AK5: variants seen among roughly 807,000 people sequenced by gnomAD.
The protein encoded by AK5 is adenylate kinase 5, also known as adenylate kinase isoenzyme 5.
Under a neutral mutation model 69.5 loss-of-function variants are expected in AK5, and 27 were observed. The ratio of observed to expected loss-of-function variants is 0.39; its 90% confidence interval spans 0.29 to 0.54. The LOEUF (loss-of-function observed/expected upper bound fraction) is 0.54. Among genes scored for constraint, AK5 ranks in the 20% least tolerant of loss-of-function variants. The pLI, the probability that AK5 is intolerant of heterozygous loss-of-function variation, is 0.71. For missense variants in AK5, 531 were observed against 700.4 expected (o/e 0.76, Z 2.73); for synonymous variants, 260 against 244.4 (o/e 1.06, Z -0.60).
At chr1:77,412,634 A>C (rs1442776076) in intron 7 of AK5, among the ~76,000 whole-genome samples, 1 of 152,166 alleles carries the variant, frequency 6.6e-6, no homozygotes, top group African/African-American at 2.4e-5. Flanking sequence ...CTCCTGGCTT[A>C]TAAATGTTGA....
At chr1:77,297,420 C>A in intron 3 of AK5, 139 bp from the exon 4 acceptor site, 1 of 682,500 alleles carries the variant, frequency 1.5e-6, no homozygotes, top group Non-Finnish European at 2.4e-6. Context: ...AAAGGCAGCA[C>A]TGAGAATGCC....
chr1:77,546,531 G>A (rs1457151845), intron 13 of AK5, among the ~76,000 whole-genome samples: 1 of 152,182 alleles, frequency 6.6e-6, no homozygotes, highest in Non-Finnish European at 1.5e-5. Flanking sequence ...CCAACATGGT[G>A]AAACTCCATC....
intron 8 of AK5, among the ~76,000 whole-genome samples, chr1:77,476,958 A>T (rs35254623): frequency 6.6e-6 from 1 of 150,564 alleles, no homozygotes; most frequent in Non-Finnish European, 1.5e-5. Context: ...ATTTTCAGGT[A>T]AAAAGATGAG....
chr1:77,380,611 G>A (rs1378057426), intron 6 of AK5, among the ~76,000 whole-genome samples: 2 of 152,222 alleles, frequency 1.3e-5, no homozygotes, highest in Non-Finnish European at 2.9e-5. Flanking sequence ...ACCAGGCACT[G>A]TGCTAAATAA....
At chr1:77,550,664 G>C (rs1358141630) in intron 13 of AK5, among the ~76,000 whole-genome samples, 1 of 152,322 alleles carries the variant, frequency 6.6e-6, no homozygotes, top group East Asian at 1.9e-4. Context: ...TAGTAAATTG[G>C]TTCTTTTCCA....
intron 2 of AK5, among the ~76,000 whole-genome samples, chr1:77,287,536 C>A (rs1658427833): frequency 6.6e-6 from 1 of 152,162 alleles, no homozygotes; most frequent in African/African-American, 2.4e-5. Flanking sequence ...ACTAATATTT[C>A]CAAGTTCAGA....
chr1:77,367,780 A>T (rs796523691), intron 6 of AK5, among the ~76,000 whole-genome samples: 4 of 5,028 alleles, frequency 8.0e-4, no homozygotes, highest in Admixed American at 5.7e-3. Flanking sequence ...GTTATATATA[A>T]TATATGTTAT....
chr1:77,379,078 A>G (rs1647443639), intron 6 of AK5, among the ~76,000 whole-genome samples: 1 of 152,194 alleles, frequency 6.6e-6, no homozygotes, highest in Admixed American at 6.5e-5. Flanking sequence ...TTGTGGCCAG[A>G]ACCTGTCATG....
intron 6 of AK5, among the ~76,000 whole-genome samples, chr1:77,405,648 G>C (rs1649569253): frequency 6.6e-6 from 1 of 152,208 alleles, no homozygotes; most frequent in African/African-American, 2.4e-5. Flanking sequence ...TGGCTTCCCA[G>C]TGGCTGCTCA....
chr1:77,382,630 A>G (rs1444971058), intron 6 of AK5, among the ~76,000 whole-genome samples: 1 of 152,228 alleles, frequency 6.6e-6, no homozygotes, highest in Non-Finnish European at 1.5e-5. Context: ...TATTACAGGC[A>G]TAAGCCAGTG....
At position 77,533,509 on chromosome 1, in the gene AK5, CAAAAAAAAAAA is replaced by C. The variant is rs10526328; in HGVS notation, c.1429-2322_1429-2312del. The stretch of plus-strand genomic sequence containing the variant: ...AGGCTGCAGAGCAAGACTCTGTCAC[CAAAAAAAAAAA>C]AAAAAAAAAAAAAAACAGATTCTGC... On this transcript the variant is annotated intron_variant, in intron 12 of 13. Coordinates refer to ENST00000354567, the MANE Select transcript of AK5 (RefSeq NM_174858.3). 7.2e-3 allele frequency among the ~76,000 whole-genome samples: 685 copies of C among 94,934 alleles called. 7 individuals carry two copies. The highest frequency in any genetic ancestry group is 0.033 in the African/African-American group (657 of 20,088). The allele number at this position is 94,934 out of a possible 152,430, so 62.3% of individuals were successfully genotyped here.
intron 13 of AK5, among the ~76,000 whole-genome samples, chr1:77,545,173 A>G (rs561593370): frequency 5.7e-4 from 86 of 152,092 alleles, no homozygotes; most frequent in Non-Finnish European, 8.7e-4. Flanking sequence ...CAAGTAACCA[A>G]TGTGAACAGC....
At chr1:77,396,613 G>T (rs921037231) in intron 6 of AK5, among the ~76,000 whole-genome samples, 1 of 152,160 alleles carries the variant, frequency 6.6e-6, no homozygotes. Flanking sequence ...TTGTTTAAAC[G>T]GCTCTGAATT....
intron 8 of AK5, among the ~76,000 whole-genome samples, chr1:77,461,780 A>G (rs992991011): frequency 1.3e-5 from 2 of 152,118 alleles, no homozygotes; most frequent in African/African-American, 4.8e-5. Context: ...AAAAAAAAAA[A>G]AAAAGAAAGA....
chr1:77,447,291 T>A lies in AK5; in HGVS notation c.1059+29576T>A, dbSNP rs1652810337. Among the ~76,000 whole-genome samples the A allele has an allele frequency of 5.3e-5, 8 of 152,230 alleles. No individual in the cohort carries two copies. The South Asian group carries it at 1.7e-3, about 31-fold the overall frequency. ...ACTAAAAAGTCAGAAATGTCCTTCA[T>A]AGCTTCAGTATAAATATTAAACAGT... is the stretch of plus-strand genomic sequence containing the variant. On this transcript the variant is annotated intron_variant, in intron 8 of 13. Transcript: ENST00000354567.
chr1:77,284,716 G>A (rs1658251983), intron 1 of AK5, among the ~76,000 whole-genome samples: 1 of 152,158 alleles, frequency 6.6e-6, no homozygotes, highest in Admixed American at 6.5e-5. Flanking sequence ...ATTATTCAAG[G>A]TCTCAAAGGG....
chr1:77,298,347 C>T (rs1659128341), intron 5 of AK5, among the ~76,000 whole-genome samples: 1 of 152,032 alleles, frequency 6.6e-6, no homozygotes, highest in African/African-American at 2.4e-5. Context: ...TTGTGAAATA[C>T]TGAACCACCT....
intron 5 of AK5, among the ~76,000 whole-genome samples, chr1:77,320,585 C>G (rs1461683228): frequency 6.6e-6 from 1 of 151,978 alleles, no homozygotes; most frequent in Non-Finnish European, 1.5e-5. Flanking sequence ...CCCATCTCTA[C>G]TAAAAATACA....
intron 8 of AK5, among the ~76,000 whole-genome samples, chr1:77,472,352 A>G (rs550380828): frequency 1.3e-4 from 20 of 152,260 alleles, no homozygotes; most frequent in Admixed American, 4.6e-4. Flanking sequence ...CATCTCACAC[A>G]ACCACTTGTA....
Sources: gnomAD v4.1 joint callset for allele counts (sites outside exome capture counted in the v4.1 genomes callset) on GRCh38, gnomAD v4.1.1 for gene constraint, MANE v1.5 for transcripts, NCBI Gene and HGNC (gene_info 2026-07-23, HGNC 2026-07-21) for gene names.